The following CCSER1 variants were observed in gnomAD, a reference collection of about 807,000 sequenced individuals.
CCSER1 encodes coiled-coil serine rich protein 1.
CCSER1 carries 41 observed loss-of-function variants against 82.0 expected under a neutral mutation model. That is an observed-to-expected ratio of 0.50 (90% CI 0.39 to 0.65). CCSER1 has a LOEUF of 0.65. CCSER1 is among the 30% of genes least tolerant of loss of function. The pLI, the probability that CCSER1 is intolerant of heterozygous loss-of-function variation, is 0.00. For missense variants in CCSER1, 1,119 were observed against 1,064.2 expected, an observed-to-expected ratio of 1.05 and a Z score of -0.72; for synonymous variants, 414 against 383.9, an observed-to-expected ratio of 1.08 and a Z score of -0.92.
chr4:91,033,021 G>A (rs1741117792), intron 9 of CCSER1, among the ~76,000 whole-genome samples: 1 of 151,646 alleles, frequency 6.6e-6, no homozygotes, highest in Admixed American at 6.6e-5. Context: ...GAAACACTCT[G>A]TGAGAGACGA....
chr4:90,292,415 TA>T (rs1016119861), intron 1 of CCSER1, among the ~76,000 whole-genome samples: 1 of 151,954 alleles, frequency 6.6e-6, no homozygotes, highest in Non-Finnish European at 1.5e-5. Context: ...ATCAGTTGTC[TA>T]ATCTTAATAA....
intron 5 of CCSER1, among the ~76,000 whole-genome samples, chr4:90,560,653 A>G (rs1395314981): frequency 6.6e-6 from 1 of 152,156 alleles, no homozygotes; most frequent in East Asian, 1.9e-4. Context: ...AAAATTACTC[A>G]TCTATTATTC....
intron 8 of CCSER1, among the ~76,000 whole-genome samples, chr4:90,909,933 T>A (rs1726072714): frequency 6.6e-6 from 1 of 152,206 alleles, no homozygotes; most frequent in African/African-American, 2.4e-5. Context: ...ATTTTCACAC[T>A]GCTATAAAGA....
chr4:90,486,529 C>G (rs764853301), intron 5 of CCSER1, among the ~76,000 whole-genome samples: 1 of 152,162 alleles, frequency 6.6e-6, no homozygotes, highest in Non-Finnish European at 1.5e-5. Context: ...GTTTTGGGAT[C>G]AGCAATGCAC....
chr4:91,465,468 C>T (rs1204195397), intron 10 of CCSER1, among the ~76,000 whole-genome samples: 2 of 152,066 alleles, frequency 1.3e-5, no homozygotes, highest in African/African-American at 4.8e-5. Context: ...CAAACATATT[C>T]AAAAGCTAGC....
intron 10 of CCSER1, among the ~76,000 whole-genome samples, chr4:91,396,766 G>A (rs1445781258): frequency 6.6e-6 from 1 of 151,942 alleles, no homozygotes. Context: ...ATTTTCCTTT[G>A]ATACCTAACC....
chr4:90,533,246 C>T (rs890635515), intron 5 of CCSER1, among the ~76,000 whole-genome samples: 10 of 151,886 alleles, frequency 6.6e-5, no homozygotes, highest in Admixed American at 5.2e-4. Flanking sequence ...CGCCTGCCAC[C>T]ACGCCTGGCA....
intron 5 of CCSER1, among the ~76,000 whole-genome samples, chr4:90,516,715 G>A (rs6815641): frequency 2.7e-5 from 4 of 146,820 alleles, no homozygotes; most frequent in Non-Finnish European, 6.1e-5. Flanking sequence ...AGTGTAGAGC[G>A]CAAGGTCAAA....
chr4:90,973,109 T>A (rs113998690), intron 9 of CCSER1, among the ~76,000 whole-genome samples: 304 of 151,822 alleles, frequency 2.0e-3, no homozygotes, highest in Middle Eastern at 6.8e-3. Flanking sequence ...TGGGCAATGA[T>A]TTTGGGACAT....
chr4:90,821,953 G>A (rs974509903), intron 8 of CCSER1, among the ~76,000 whole-genome samples: 19 of 152,090 alleles, frequency 1.2e-4, no homozygotes, highest in African/African-American at 3.6e-4. Context: ...ATATGTTCTT[G>A]TAAATGATTA....
intron 10 of CCSER1, among the ~76,000 whole-genome samples, chr4:91,401,157 T>C (rs1752291509): frequency 6.6e-6 from 1 of 151,616 alleles, no homozygotes; most frequent in Admixed American, 6.6e-5. Context: ...CCCATCTAAA[T>C]AGATACCCAT....
At chr4:90,385,484 G>C (rs1749889469) in intron 3 of CCSER1, among the ~76,000 whole-genome samples, 1 of 145,246 alleles carries the variant, frequency 6.9e-6, no homozygotes, top group East Asian at 2.0e-4. Context: ...TTTTGAGATG[G>C]AGTCTCACTC....
rs373785500 is a variant in CCSER1 at position 91,142,087 on chromosome 4, TCC to T, written c.2217+56096_2217+56097del. Among the ~76,000 whole-genome samples the T allele has an allele frequency of 4.5e-4, 68 of 152,278 alleles. No homozygotes were observed. In the East Asian group the frequency reaches 0.011, roughly 25 times the overall value. On this transcript the variant is annotated intron_variant, in intron 10 of 10. Coordinates refer to ENST00000509176, the MANE Select transcript of CCSER1 (RefSeq NM_001145065.2). ...TACCCTGTGATATGGTTTTGTTGTG[TCC>T]CCACCCATATTTCACCTTGAATTGT...
chr4:90,797,515 G>A (rs960480297), intron 7 of CCSER1, among the ~76,000 whole-genome samples: 9 of 152,222 alleles, frequency 5.9e-5, no homozygotes, highest in African/African-American at 2.2e-4. Context: ...ATTTGATTCT[G>A]TTATGATGTT....
At chr4:90,727,016 T>C (rs1431080648) in intron 7 of CCSER1, among the ~76,000 whole-genome samples, 1 of 152,172 alleles carries the variant, frequency 6.6e-6, no homozygotes, top group African/African-American at 2.4e-5. Context: ...CCACATATAC[T>C]ACACATAATA....
Position 91,573,923 on chromosome 4 carries a change from C to A in CCSER1, c.2218-24649C>A, listed in dbSNP as rs561916154. 1.1e-4 allele frequency among the ~76,000 whole-genome samples: 16 copies of A among 151,946 alleles called. 1 individual carries two copies. The South Asian group carries it at 3.3e-3, about 32-fold the overall frequency. ...AATCCCACTTAAAATTGCATCAAAACGAATAAAATACTTTAGCATAAATTT... is the reference window on the plus strand; with the variant it reads ...AATCCCACTTAAAATTGCATCAAAAAGAATAAAATACTTTAGCATAAATTT... On this transcript the variant is annotated intron_variant, in intron 10 of 10. Transcript: ENST00000509176.
intron 1 of CCSER1, among the ~76,000 whole-genome samples, chr4:90,230,976 A>T (rs1482966967): frequency 1.3e-5 from 2 of 152,190 alleles, no homozygotes; most frequent in Non-Finnish European, 2.9e-5. Context: ...TGTGGCAATA[A>T]ACAATACCTT....
At chr4:91,050,933 C>G (rs528224406) in intron 9 of CCSER1, among the ~76,000 whole-genome samples, 1 of 152,242 alleles carries the variant, frequency 6.6e-6, no homozygotes, top group South Asian at 2.1e-4. Context: ...TTATTCCCTT[C>G]TTATAATATT....
At chr4:90,348,312 TTTTC>T (rs1335755997) in intron 3 of CCSER1, among the ~76,000 whole-genome samples, 7 of 152,212 alleles carry the variant, frequency 4.6e-5, no homozygotes, top group African/African-American at 1.7e-4. Context: ...AAATGAAAGT[TTTTC>T]TACTCTCATA....
Sources: gnomAD v4.1 joint callset for allele counts (sites outside exome capture counted in the v4.1 genomes callset) on GRCh38, gnomAD v4.1.1 for gene constraint, MANE v1.5 for transcripts, NCBI Gene and HGNC (gene_info 2026-07-23, HGNC 2026-07-21) for gene names.